ZFPM2: variants seen among roughly 807,000 people sequenced by gnomAD.
ZFPM2 encodes zinc finger protein ZFPM2.
ZFPM2 carries 20 observed loss-of-function variants against 98.6 expected under a neutral mutation model. The ratio of observed to expected loss-of-function variants is 0.20; its 90% CI spans 0.14 to 0.29. ZFPM2 has a LOEUF of 0.29. Among genes scored for constraint, ZFPM2 ranks in the 10% least tolerant of loss-of-function variants. The pLI is 1.00. For missense variants in ZFPM2, 1,310 were observed against 1,388.6 expected (o/e 0.94, Z 0.90); for synonymous variants, 518 against 502.7 (o/e 1.03, Z -0.41).
At chr8:105,330,259 A>G (rs1167475687) in intron 1 of ZFPM2, among the ~76,000 whole-genome samples, 6 of 151,412 alleles carry the variant, frequency 4.0e-5, no homozygotes, top group Non-Finnish European at 8.9e-5. Flanking sequence ...TAAGGGTCAG[A>G]TCTCCAAAGG....
At chr8:105,508,841 A>AC (rs1554612785) in intron 3 of ZFPM2, among the ~76,000 whole-genome samples, 145 of 138,466 alleles carry the variant, frequency 1.0e-3, no homozygotes, top group African/African-American at 3.8e-3. Flanking sequence ...GGGGTTTTGG[A>AC]TTTTTTTTGA....
At chr8:105,533,460 A>T (rs563030203) in intron 3 of ZFPM2, among the ~76,000 whole-genome samples, 2 of 152,172 alleles carry the variant, frequency 1.3e-5, no homozygotes, top group African/African-American at 4.8e-5. Context: ...GAAAACAATT[A>T]AAATGCTTCT....
At chr8:105,525,999 G>T (rs1218023000) in intron 3 of ZFPM2, among the ~76,000 whole-genome samples, 1 of 152,130 alleles carries the variant, frequency 6.6e-6, no homozygotes, top group Non-Finnish European at 1.5e-5. Flanking sequence ...CCCCACACAG[G>T]TGTAAAGTAC....
At chr8:105,419,383 C>G in intron 2 of ZFPM2, 81 bp downstream of exon 2, 1 of 1,505,082 alleles carries the variant, frequency 6.6e-7, no homozygotes, top group East Asian at 2.3e-5. Context: ...TAATAGTCCT[C>G]AGAGTGCTGA....
At chr8:105,594,922 A>G (rs1815936330) in intron 4 of ZFPM2, among the ~76,000 whole-genome samples, 1 of 152,130 alleles carries the variant, frequency 6.6e-6, no homozygotes, top group South Asian at 2.1e-4. Context: ...ATACATAAAC[A>G]TATAACTATA....
intron 3 of ZFPM2, among the ~76,000 whole-genome samples, chr8:105,531,809 A>G (rs775799810): frequency 1.1e-4 from 17 of 152,226 alleles, no homozygotes; most frequent in Admixed American, 2.0e-4. Flanking sequence ...TAGAAGTATT[A>G]ATAGTTAAAC....
At chr8:105,657,439 G>A (rs542529704) in intron 5 of ZFPM2, among the ~76,000 whole-genome samples, 140 of 152,148 alleles carry the variant, frequency 9.2e-4, no homozygotes, top group African/African-American at 3.3e-3. Context: ...GCACCTGGCC[G>A]TAATGCTCTT....
chr8:105,519,256 G>A (rs1246445938), intron 3 of ZFPM2, among the ~76,000 whole-genome samples: 1 of 152,036 alleles, frequency 6.6e-6, no homozygotes, highest in African/African-American at 2.4e-5. Context: ...GTGTATAATT[G>A]GTGGGTGAGA....
At chr8:105,787,806 T>G (rs1813464287) in intron 5 of ZFPM2, among the ~76,000 whole-genome samples, 1 of 152,170 alleles carries the variant, frequency 6.6e-6, no homozygotes, top group Admixed American at 6.5e-5. Flanking sequence ...AGGATACATA[T>G]CTAGGCCTGA....
chr8:105,378,156 C>T (rs1810767600), intron 1 of ZFPM2, among the ~76,000 whole-genome samples: 1 of 152,046 alleles, frequency 6.6e-6, no homozygotes, highest in African/African-American at 2.4e-5. Context: ...ATGGAAAGAG[C>T]CCTACCTTTA....
chr8:105,782,249 A>T (rs898858322), intron 5 of ZFPM2: 1 of 152,216 alleles, frequency 6.6e-6, no homozygotes, highest in Non-Finnish European at 1.5e-5. Context: ...ATGGAAGCAT[A>T]AAAAGATGCT....
intron 1 of ZFPM2, among the ~76,000 whole-genome samples, chr8:105,400,645 C>T (rs1417528386): frequency 1.3e-5 from 2 of 152,108 alleles, no homozygotes; most frequent in Non-Finnish European, 2.9e-5. Flanking sequence ...AATATATGCA[C>T]TTTTGGTATA....
At chr8:105,590,629 A>G (rs542697256) in intron 4 of ZFPM2, among the ~76,000 whole-genome samples, 38 of 152,378 alleles carry the variant, frequency 2.5e-4, no homozygotes, top group Non-Finnish European at 3.8e-4. Flanking sequence ...AGAGTGCCCT[A>G]TTATGGATGT....
intron 2 of ZFPM2, among the ~76,000 whole-genome samples, chr8:105,436,622 T>C (rs1236840874): frequency 6.6e-6 from 1 of 152,214 alleles, no homozygotes; most frequent in Admixed American, 6.5e-5. Context: ...GCTTGCCATG[T>C]AGTCGACTTT....
chr8:105,441,796 C>G (rs1812256835), intron 2 of ZFPM2, among the ~76,000 whole-genome samples: 1 of 152,098 alleles, frequency 6.6e-6, no homozygotes, highest in Non-Finnish European at 1.5e-5. Context: ...ACCTCCTGCT[C>G]ACCAGGCTTT....
chr8:105,596,802 T>A (rs1474419292), intron 4 of ZFPM2, among the ~76,000 whole-genome samples: 3 of 143,126 alleles, frequency 2.1e-5, no homozygotes, highest in Non-Finnish European at 3.0e-5. Context: ...ATAGAGCAGA[T>A]AGGGAAAGAT....
chr8:105,575,736 C>T (rs1815452490), intron 4 of ZFPM2, among the ~76,000 whole-genome samples: 1 of 152,158 alleles, frequency 6.6e-6, no homozygotes, highest in Admixed American at 6.5e-5. Flanking sequence ...CACTTTTATT[C>T]TGTTGACAAT....
intron 3 of ZFPM2, among the ~76,000 whole-genome samples, chr8:105,521,743 A>G (rs1277322260): frequency 3.9e-5 from 6 of 152,038 alleles, no homozygotes. Context: ...ATGCTCAGCT[A>G]ATTTTGTATT....
chr8:105,636,379 T>G (rs540902705), intron 5 of ZFPM2, among the ~76,000 whole-genome samples: 295 of 152,316 alleles, frequency 1.9e-3, no homozygotes, highest in Admixed American at 2.9e-3. Context: ...TGAGTCCAAC[T>G]ATGTGCTAAC....
Sources: gnomAD v4.1 joint callset for allele counts (sites outside exome capture counted in the v4.1 genomes callset) on GRCh38, gnomAD v4.1.1 for gene constraint, MANE v1.5 for transcripts, NCBI Gene and HGNC (gene_info 2026-07-23, HGNC 2026-07-21) for gene names.